RAPGEF4: variants seen among roughly 807,000 people sequenced by gnomAD.
The protein encoded by RAPGEF4 is RAP guanine-nucleotide-exchange factor (GEF) 4.
RAPGEF4 carries 66 observed loss-of-function variants against 147.9 expected under a neutral mutation model. That is an observed-to-expected ratio of 0.45 (90% CI 0.37 to 0.55). The LOEUF (loss-of-function observed/expected upper bound fraction) is 0.55. RAPGEF4 is among the 20% of genes least tolerant of loss of function. The pLI is 0.00. For synonymous variants in RAPGEF4, 419 were observed against 442.7 expected (o/e 0.95, Z 0.67); for missense variants, 1,071 against 1,257.3 (o/e 0.85, Z 2.24).
intron 1 of RAPGEF4, among the ~76,000 whole-genome samples, chr2:172,747,546 A>G (rs890524172): frequency 7.9e-5 from 12 of 152,194 alleles, no homozygotes; most frequent in African/African-American, 7.2e-5. Flanking sequence ...AGCTAAGTGT[A>G]GCTTTGAATT....
At chr2:172,852,304 T>G (rs1446921115) in intron 4 of RAPGEF4, among the ~76,000 whole-genome samples, 2 of 152,196 alleles carry the variant, frequency 1.3e-5, no homozygotes, top group Admixed American at 6.5e-5. Context: ...TTCTTTCAGG[T>G]TATCTTCCTT....
rs1295442280 is a variant in RAPGEF4 at position 173,052,588 on chromosome 2, C to T, written c.*821C>T. The T allele has an allele frequency of 3.3e-5, 5 of 152,468 alleles. No individual in the cohort carries two copies. Among genetic ancestry groups the T allele is most frequent in the Non-Finnish European group, 7.4e-5 (5 of 68,010 alleles). 9.4% of individuals were successfully genotyped at this position (152,468 alleles called of 1,614,324 possible). On this transcript the variant is annotated 3_prime_UTR_variant, in exon 31 of 31. Transcript: ENST00000397081. ...TACTATTGGCTACAAATTTATTGTACCTGATGAAAACATATTTTCTGGACT... is the reference window on the plus strand; with the variant it reads ...TACTATTGGCTACAAATTTATTGTATCTGATGAAAACATATTTTCTGGACT...
chr2:172,819,656 G>A (rs2059425), intron 4 of RAPGEF4, among the ~76,000 whole-genome samples: 56,018 of 148,176 alleles, frequency 0.38, 9,424 homozygotes, highest in East Asian at 0.45. Flanking sequence ...TAGTAGAGAC[G>A]GGGTTTCACC....
chr2:172,939,914 T>G (rs1432264516), intron 6 of RAPGEF4, among the ~76,000 whole-genome samples: 1 of 152,188 alleles, frequency 6.6e-6, no homozygotes, highest in Admixed American at 6.5e-5. Context: ...CTTTGTTCCT[T>G]TGTAAAAGAT....
At chr2:173,040,133 A>C (rs1684574384) in intron 29 of RAPGEF4, among the ~76,000 whole-genome samples, 1 of 151,260 alleles carries the variant, frequency 6.6e-6, no homozygotes, top group South Asian at 2.1e-4. Context: ...GATTGCAGTG[A>C]GCCGAGATCA....
intron 17 of RAPGEF4, 76 bp from the exon 18 acceptor site, chr2:173,014,388 T>A (rs1298558148): frequency 6.3e-7 from 1 of 1,578,216 alleles, no homozygotes; most frequent in Admixed American, 1.8e-5. Context: ...AGCTGGGATC[T>A]GTCACTCTTT....
intron 23 of RAPGEF4, among the ~76,000 whole-genome samples, chr2:173,022,844 C>T (rs3769224): frequency 0.82 from 125,340 of 152,212 alleles, 53,497 homozygotes; most frequent in Non-Finnish European, 0.93. Flanking sequence ...TTACTCTTCA[C>T]ATTTTATTTA....
At chr2:173,003,273 A>T (rs1026276671) in intron 17 of RAPGEF4, among the ~76,000 whole-genome samples, 7 of 151,874 alleles carry the variant, frequency 4.6e-5, no homozygotes, top group African/African-American at 1.7e-4. Flanking sequence ...GGTAGGGAGG[A>T]GGGGGAAAAA....
chr2:172,980,962 A>T (rs4989335), intron 10 of RAPGEF4, among the ~76,000 whole-genome samples: 11,062 of 152,180 alleles, frequency 0.073, 588 homozygotes, highest in South Asian at 0.16. Flanking sequence ...TAGCATTTTT[A>T]AAAAAGAAAT....
intron 6 of RAPGEF4, among the ~76,000 whole-genome samples, chr2:172,933,562 G>A (rs556106371): frequency 6.6e-6 from 1 of 152,300 alleles, no homozygotes; most frequent in South Asian, 2.1e-4. Context: ...GAGTGATAAT[G>A]AGATAGATGA....
chr2:173,036,720 C>T (rs1684064551), intron 29 of RAPGEF4, 28 bp downstream of exon 29: 2 of 1,486,626 alleles, frequency 1.3e-6, no homozygotes, highest in East Asian at 2.3e-5. Context: ...ACCTTAACCA[C>T]AATGTGTTTT....
intron 4 of RAPGEF4, chr2:172,860,224 G>A: frequency 1.0e-6 from 1 of 985,348 alleles, no homozygotes; most frequent in Non-Finnish European, 1.2e-6. Flanking sequence ...GTGAGAAGAG[G>A]AGAACATGGA....
chr2:172,846,340 C>T (rs1692187322), intron 4 of RAPGEF4, among the ~76,000 whole-genome samples: 1 of 152,200 alleles, frequency 6.6e-6, no homozygotes, highest in African/African-American at 2.4e-5. Flanking sequence ...AATCATATGA[C>T]ATGTCGTCTT....
intron 6 of RAPGEF4, among the ~76,000 whole-genome samples, chr2:172,927,883 G>A (rs555940832): frequency 6.4e-4 from 97 of 152,136 alleles, no homozygotes; most frequent in Non-Finnish European, 1.2e-3. Context: ...TGCCATTACC[G>A]TTCTGAAACT....
At chr2:172,884,656 C>T (rs971344829) in intron 4 of RAPGEF4, among the ~76,000 whole-genome samples, 1 of 152,208 alleles carries the variant, frequency 6.6e-6, no homozygotes, top group Non-Finnish European at 1.5e-5. Context: ...TGTTATTCAG[C>T]TGGTCCACAC....
In RAPGEF4 at chr2:172,988,762, G is replaced by A. The variant is rs1428478021; in HGVS notation, c.1297G>A (p.Ala433Thr). The stretch of plus-strand genomic sequence containing the variant: ...AGCACTAGTGAATGATGCCCCACGA[G>A]CTGCCTCTATCGTCTTACGAGAAGA... Reference protein sequence around the residue: ...KLALVNDAPRAASIVLREDNC... With the variant: ...KLALVNDAPRTASIVLREDNC... Residue 433 changes from alanine to threonine, a missense_variant, in exon 14 of 31, where the codon GCT becomes ACT. Coordinates refer to ENST00000397081, the MANE Select transcript of RAPGEF4 (RefSeq NM_007023.4). 3 of 1,612,294 alleles carry A rather than the reference G, an allele frequency of 1.9e-6. No homozygotes were observed. The highest frequency in any genetic ancestry group is 2.5e-6 in the Non-Finnish European group (3 of 1,178,268).
chr2:172,811,685 A>G (rs867435351), intron 3 of RAPGEF4, among the ~76,000 whole-genome samples: 3 of 152,344 alleles, frequency 2.0e-5, no homozygotes, highest in Middle Eastern at 6.8e-3. Context: ...CAGACTTGGA[A>G]TCCTGACCCA....
intron 10 of RAPGEF4, among the ~76,000 whole-genome samples, chr2:172,982,684 C>G (rs16861122): frequency 0.073 from 11,166 of 152,176 alleles, 604 homozygotes; most frequent in South Asian, 0.16. Flanking sequence ...CTACATAATT[C>G]TAATAATTCA....
intron 1 of RAPGEF4, among the ~76,000 whole-genome samples, chr2:172,794,622 T>C (rs987395550): frequency 3.3e-5 from 5 of 152,206 alleles, no homozygotes; most frequent in Non-Finnish European, 5.9e-5. Context: ...GAGATTTTTT[T>C]CCCTTATATC....
Sources: gnomAD v4.1 joint callset for allele counts (sites outside exome capture counted in the v4.1 genomes callset) on GRCh38, gnomAD v4.1.1 for gene constraint, MANE v1.5 for transcripts, NCBI Gene and HGNC (gene_info 2026-07-23, HGNC 2026-07-21) for gene names.